The following CMTM8 variants were observed in gnomAD, a reference collection of about 807,000 sequenced individuals.
CMTM8 encodes the protein CKLF like MARVEL transmembrane domain containing 8, also known as CKLF-like MARVEL transmembrane domain-containing protein 8.
A neutral mutation model predicts 18.6 loss-of-function variants in CMTM8; 12 were observed. The observed-to-expected ratio is 0.65, with a 90% CI of 0.41 to 1.05. The LOEUF is 1.05. Among genes scored for constraint, CMTM8 ranks in the 50% least tolerant of loss-of-function variants. The pLI is 0.00. For synonymous variants in CMTM8, 87 were observed against 90.6 expected (o/e 0.96, Z 0.23); for missense variants, 217 against 227.2 (o/e 0.95, Z 0.29).
intron 1 of CMTM8, among the ~76,000 whole-genome samples, chr3:32,273,667 C>T (rs1053636034): frequency 6.6e-6 from 1 of 151,978 alleles, no homozygotes; most frequent in East Asian, 1.9e-4. Context: ...TAGGTGAGTG[C>T]GTTAGTGCGT....
At chr3:32,244,306 C>T (rs990155221) in intron 1 of CMTM8, among the ~76,000 whole-genome samples, 2 of 152,200 alleles carry the variant, frequency 1.3e-5, no homozygotes, top group African/African-American at 4.8e-5. Context: ...CCTCCCGCCA[C>T]AGTCTCCTGA....
intron 1 of CMTM8, among the ~76,000 whole-genome samples, chr3:32,348,870 G>GT (rs1162608551): frequency 6.6e-6 from 1 of 151,674 alleles, no homozygotes; most frequent in African/African-American, 2.4e-5. Context: ...TATCTCACCT[G>GT]TTTTTTTCTT....
chr3:32,326,058 G>A lies in CMTM8; in HGVS notation c.148-31315G>A, dbSNP rs138899334. Among the ~76,000 whole-genome samples, 397 of 152,308 alleles carry A rather than the reference G, an allele frequency of 2.6e-3. 4 individuals are homozygous for A. The highest frequency in any genetic ancestry group is 9.1e-3 in the African/African-American group (377 of 41,564). On this transcript the variant is annotated intron_variant, in intron 1 of 3. Transcript: ENST00000307526. ...AATGCAGGTCTGCTCCCAAGAGGGG[G>A]CAAAGGCAGCCAGGAAAGGTGCAGA...
intron 1 of CMTM8, among the ~76,000 whole-genome samples, chr3:32,289,224 C>T (rs1257537864): frequency 2.6e-5 from 4 of 152,180 alleles, no homozygotes; most frequent in African/African-American, 9.7e-5. Flanking sequence ...CAGAGATGCC[C>T]TAAATCTGAA....
At chr3:32,247,920 A>G (rs1702061584) in intron 1 of CMTM8, among the ~76,000 whole-genome samples, 1 of 152,062 alleles carries the variant, frequency 6.6e-6, no homozygotes, top group Non-Finnish European at 1.5e-5. Context: ...GTTACTTTCT[A>G]TCTTTATGAA....
intron 2 of CMTM8, among the ~76,000 whole-genome samples, chr3:32,365,303 G>GAAAA (rs71630518): frequency 0.017 from 2,493 of 144,698 alleles, 67 homozygotes; most frequent in East Asian, 0.092. Context: ...CGGTATTTGA[G>GAAAA]AAAAAAAAAA....
At chr3:32,247,467 C>A (rs1702053705) in intron 1 of CMTM8, among the ~76,000 whole-genome samples, 1 of 152,128 alleles carries the variant, frequency 6.6e-6, no homozygotes, top group Admixed American at 6.5e-5. Context: ...CGTGCGCCAC[C>A]ACACCTGGCT....
chr3:32,316,963 G>A (rs114113924), intron 1 of CMTM8, among the ~76,000 whole-genome samples: 3,461 of 152,314 alleles, frequency 0.023, 60 homozygotes, highest in Middle Eastern at 0.065. Context: ...TTTGGAAATT[G>A]AACCCTAGAC....
chr3:32,269,425 T>C (rs1272384509), intron 1 of CMTM8, among the ~76,000 whole-genome samples: 6 of 152,264 alleles, frequency 3.9e-5, no homozygotes, highest in African/African-American at 1.4e-4. Flanking sequence ...TTTCACATCA[T>C]GAACTAATGT....
intron 1 of CMTM8, among the ~76,000 whole-genome samples, chr3:32,317,749 T>C (rs1575173891): frequency 6.6e-6 from 1 of 152,090 alleles, no homozygotes; most frequent in East Asian, 1.9e-4. Context: ...ATACCAACTA[T>C]GTAGCAGTTT....
At chr3:32,239,749 C>T (rs1294159770) in intron 1 of CMTM8, among the ~76,000 whole-genome samples, 1 of 152,166 alleles carries the variant, frequency 6.6e-6, no homozygotes, top group Non-Finnish European at 1.5e-5. Context: ...TGAAAACTCA[C>T]GTGATCTTCC....
At chr3:32,351,227 G>T (rs1696700412) in intron 1 of CMTM8, among the ~76,000 whole-genome samples, 1 of 152,054 alleles carries the variant, frequency 6.6e-6, no homozygotes, top group African/African-American at 2.4e-5. Context: ...AAGTGATATT[G>T]GGTCAATTGT....
At chr3:32,257,722 G>C (rs892409866) in intron 1 of CMTM8, among the ~76,000 whole-genome samples, 1 of 151,822 alleles carries the variant, frequency 6.6e-6, no homozygotes, top group African/African-American at 2.4e-5. Context: ...TCTGCTTGTT[G>C]AATCTGTTGC....
intron 1 of CMTM8, among the ~76,000 whole-genome samples, chr3:32,299,087 T>G (rs955544440): frequency 5.3e-5 from 8 of 151,356 alleles, no homozygotes; most frequent in Non-Finnish European, 1.0e-4. Flanking sequence ...TGTGCCCCGC[T>G]CAGATTGCTG....
chr3:32,363,638 G>C (rs967878935), intron 2 of CMTM8, among the ~76,000 whole-genome samples: 5 of 152,198 alleles, frequency 3.3e-5, no homozygotes, highest in African/African-American at 9.7e-5. Context: ...ACATAGCTGT[G>C]AGCGCTGCAT....
At chr3:32,275,275 A>G (rs1435931226) in intron 1 of CMTM8, among the ~76,000 whole-genome samples, 1 of 151,944 alleles carries the variant, frequency 6.6e-6, no homozygotes, top group Non-Finnish European at 1.5e-5. Flanking sequence ...TTGGCCTCCC[A>G]AAGTGCTGCT....
intron 1 of CMTM8, among the ~76,000 whole-genome samples, chr3:32,350,516 C>T (rs1696686011): frequency 8.1e-6 from 1 of 124,180 alleles, no homozygotes; most frequent in South Asian, 3.3e-4. Context: ...TGCCACCAGG[C>T]CCAGCTAATT....
intron 1 of CMTM8, among the ~76,000 whole-genome samples, chr3:32,312,451 A>G (rs1394974410): frequency 6.6e-6 from 1 of 151,120 alleles, no homozygotes; most frequent in African/African-American, 2.5e-5. Context: ...AAAGGATATT[A>G]CAAAGGATAC....
At chr3:32,344,488 A>G (rs1696557251) in intron 1 of CMTM8, among the ~76,000 whole-genome samples, 1 of 152,214 alleles carries the variant, frequency 6.6e-6, no homozygotes, top group African/African-American at 2.4e-5. Context: ...TGAATAAATG[A>G]CACTTTTTAA....
Sources: allele counts gnomAD v4.1 joint callset (sites outside exome capture counted in the v4.1 genomes callset), GRCh38; gene constraint gnomAD v4.1.1; transcripts MANE v1.5; gene names NCBI Gene and HGNC (gene_info 2026-07-23, HGNC 2026-07-21).